The following ARHGEF7 variants were observed in gnomAD, a reference collection of about 807,000 sequenced individuals.
ARHGEF7 encodes Rho guanine nucleotide exchange factor 7, also known as PAK-interacting exchange factor beta.
Under a neutral mutation model 109.8 loss-of-function variants are expected in ARHGEF7, and 33 were observed. That is an observed-to-expected ratio of 0.30 (90% CI 0.23 to 0.40). The LOEUF is 0.40. Among genes scored for constraint, ARHGEF7 ranks in the 10% least tolerant of loss-of-function variants. ARHGEF7 has a pLI of 1.00. For synonymous variants in ARHGEF7, 458 were observed against 424.6 expected (o/e 1.08, Z -0.97); for missense variants, 938 against 1,098.5 (o/e 0.85, Z 2.07).
chr13:111,203,410 T>C (rs1399703856), intron 2 of ARHGEF7, among the ~76,000 whole-genome samples: 1 of 152,244 alleles, frequency 6.6e-6, no homozygotes, highest in East Asian at 1.9e-4. Context: ...ATAATAAATA[T>C]TACAACAAAT....
chr13:111,184,059 G>C (rs1015781996), intron 2 of ARHGEF7, among the ~76,000 whole-genome samples: 3 of 152,106 alleles, frequency 2.0e-5, no homozygotes, highest in Non-Finnish European at 4.4e-5. Context: ...CCTGTCAAGG[G>C]CGGGACCAGG....
At chr13:111,165,588 C>T (rs2077063885) in intron 2 of ARHGEF7, among the ~76,000 whole-genome samples, 1 of 152,180 alleles carries the variant, frequency 6.6e-6, no homozygotes, top group East Asian at 1.9e-4. Flanking sequence ...GTTTGTTTAT[C>T]TGCATCCCTT....
Position 111,292,860 on chromosome 13 carries a change from G to A in ARHGEF7, c.2311+566G>A, listed in dbSNP as rs879830207. 44 of 990,834 alleles carry A rather than the reference G, an allele frequency of 4.4e-5. No individual in the cohort carries two copies. The South Asian group carries it at 1.5e-3, about 34-fold the overall frequency. The allele number at this position is 990,834 out of a possible 1,614,324, so 61.4% of individuals were successfully genotyped here. ...TTCCAACGGCTGTGTTCTGGTAATC[G>A]TGCAGAACAGCATGTGGGCTCTGGG... On this transcript the variant is annotated intron_variant, in intron 19 of 21. Transcript: ENST00000646102.
chr13:111,217,296 A>G (rs1297787282), intron 4 of ARHGEF7, among the ~76,000 whole-genome samples: 14 of 152,234 alleles, frequency 9.2e-5, no homozygotes, highest in African/African-American at 3.4e-4. Flanking sequence ...TTCCATAATG[A>G]GTGGTATAGT....
intron 6 of ARHGEF7, 133 bp downstream of exon 6, chr13:111,233,426 A>G: frequency 1.4e-6 from 1 of 711,750 alleles, no homozygotes; most frequent in Admixed American, 2.2e-5. Flanking sequence ...ACACAAATGT[A>G]ACCACCATTA....
At chr13:111,299,791 A>G (rs1383060935) in intron 19 of ARHGEF7, among the ~76,000 whole-genome samples, 1 of 152,220 alleles carries the variant, frequency 6.6e-6, no homozygotes, top group Non-Finnish European at 1.5e-5. Context: ...AGACCCAGCA[A>G]GCGGAAGCAC....
chr13:111,143,102 C>T (rs527367583), intron 1 of ARHGEF7, among the ~76,000 whole-genome samples: 24 of 152,302 alleles, frequency 1.6e-4, no homozygotes, highest in Admixed American at 9.2e-4. Context: ...AAACCCTAGA[C>T]GTCTGAGAAC....
intron 2 of ARHGEF7, among the ~76,000 whole-genome samples, chr13:111,157,335 A>G (rs998894296): frequency 2.6e-5 from 4 of 151,210 alleles, no homozygotes; most frequent in African/African-American, 9.7e-5. Flanking sequence ...TAGGCACACA[A>G]TTTCTATTTG....
chr13:111,292,219 C>G lies in ARHGEF7; in HGVS notation c.2236C>G (p.Pro746Ala). The change falls in exon 19 of 22, where the codon CCT becomes GCT. Residue 746 changes from proline to alanine, a missense_variant. Transcript: ENST00000646102. ...TCGCAGTAGCCTTTCTCGTTTGGAG[C>G]CTTCAGACCTCTCGGAAGACTCTGA... ...GRRSSLSRLE[P>A]SDLSEDSDYD... 3 of 1,614,194 alleles carry G rather than the reference C, an allele frequency of 1.9e-6. No individual in the cohort carries two copies. Among genetic ancestry groups the G allele is most frequent in the Non-Finnish European group, 1.7e-6 (2 of 1,180,026 alleles).
chr13:111,154,427 G>A (rs1344698079), intron 2 of ARHGEF7, among the ~76,000 whole-genome samples: 2 of 152,192 alleles, frequency 1.3e-5, no homozygotes, highest in African/African-American at 4.8e-5. Flanking sequence ...CAGGTGATCA[G>A]GCAAAGTCGT....
intron 5 of ARHGEF7, among the ~76,000 whole-genome samples, chr13:111,230,474 C>A (rs2085883956): frequency 6.6e-6 from 1 of 152,186 alleles, no homozygotes; most frequent in Non-Finnish European, 1.5e-5. Flanking sequence ...TACCTGTGCC[C>A]CTGCTGCCCC....
At chr13:111,165,621 A>G (rs1237537246) in intron 2 of ARHGEF7, among the ~76,000 whole-genome samples, 3 of 152,124 alleles carry the variant, frequency 2.0e-5, no homozygotes, top group Non-Finnish European at 4.4e-5. Context: ...GCAACTGTGA[A>G]TTTGGTCTTC....
intron 2 of ARHGEF7, among the ~76,000 whole-genome samples, chr13:111,171,964 T>G (rs1423332697): frequency 1.3e-5 from 2 of 152,226 alleles, no homozygotes; most frequent in Non-Finnish European, 2.9e-5. Flanking sequence ...AGTCCATGCC[T>G]TGATCTTGGA....
chr13:111,274,221 T>C (rs543643952), intron 10 of ARHGEF7, among the ~76,000 whole-genome samples: 1 of 152,374 alleles, frequency 6.6e-6, no homozygotes, highest in South Asian at 2.1e-4. Context: ...AGTGTTGAGA[T>C]GTCTTACCTG....
At position 111,162,502 on chromosome 13, in the gene ARHGEF7, A is replaced by G. The variant is rs142610159; in HGVS notation, c.252+8511A>G. On this transcript the variant is annotated intron_variant, in intron 2 of 21. Transcript: ENST00000646102. ...AAGCTGGAGTTCTGGCTGTAAATGCATCTTGAGACGGTCTGCAAAGGTGAG... is the reference window on the plus strand; with the variant it reads ...AAGCTGGAGTTCTGGCTGTAAATGCGTCTTGAGACGGTCTGCAAAGGTGAG... 7.4e-3 allele frequency among the ~76,000 whole-genome samples: 1,122 copies of G among 152,320 alleles called. 9 individuals are homozygous for G. The highest frequency in any genetic ancestry group is 0.012 in the Non-Finnish European group (803 of 68,018).
intron 9 of ARHGEF7, among the ~76,000 whole-genome samples, chr13:111,269,871 T>G (rs1351414789): frequency 6.6e-6 from 1 of 152,212 alleles, no homozygotes; most frequent in Non-Finnish European, 1.5e-5. Flanking sequence ...CCTCCTGCCT[T>G]TGTACTTGGA....
intron 1 of ARHGEF7, among the ~76,000 whole-genome samples, chr13:111,136,552 C>A (rs970037288): frequency 4.6e-5 from 7 of 152,148 alleles, no homozygotes; most frequent in African/African-American, 1.7e-4. Flanking sequence ...CCAATGAGAA[C>A]AAAGACACAA....
chr13:111,256,413 C>T lies in ARHGEF7; in HGVS notation c.951-11135C>T, dbSNP rs562141335. On this transcript the variant is annotated intron_variant, in intron 8 of 21. Transcript: ENST00000646102. ...TCCCTGCCCACACTCAGGTTCTGTC[C>T]TGAGCCTGCTCCGGTTCTCAGTTGA... Among the ~76,000 whole-genome samples, 6 of 152,328 alleles carry T rather than the reference C, an allele frequency of 3.9e-5. No homozygotes were observed. In the South Asian group the frequency reaches 1.2e-3, roughly 32 times the overall value.
rs2075570280 is a variant in ARHGEF7, at chr13:111,145,975, G to A, written c.166-7930G>A. On this transcript the variant is annotated intron_variant, in intron 1 of 21. Coordinates refer to ENST00000646102, the MANE Select transcript of ARHGEF7 (RefSeq NM_001354046.2). The surrounding 1 kb of genome is among the most constrained non-coding windows in gnomAD (Gnocchi z 4.3). ...TGACCTAAGTGAGTTAGGTCATTTAGTGCACAGTTGCTGACTGTTTAACAT... is the reference window on the plus strand; with the variant it reads ...TGACCTAAGTGAGTTAGGTCATTTAATGCACAGTTGCTGACTGTTTAACAT... 6.6e-6 allele frequency among the ~76,000 whole-genome samples: 1 copy of A among 152,206 alleles called. No homozygotes were observed. The highest frequency in any genetic ancestry group is 2.4e-5 in the African/African-American group (1 of 41,458).
Sources: allele counts gnomAD v4.1 joint callset (sites outside exome capture counted in the v4.1 genomes callset), GRCh38; gene constraint gnomAD v4.1.1; non-coding constraint Gnocchi (gnomAD v3.1); transcripts MANE v1.5; gene names NCBI Gene and HGNC (gene_info 2026-07-23, HGNC 2026-07-21).